Variants in SMYD3 observed in about 807,000 individuals in gnomAD.
The protein encoded by SMYD3 is SET and MYND domain containing 3, also known as histone-lysine N-methyltransferase SMYD3.
A neutral mutation model predicts 57.7 loss-of-function variants in SMYD3; 36 were observed. The ratio of observed to expected loss-of-function variants is 0.62; its 90% CI spans 0.48 to 0.82. The LOEUF is 0.82. Among genes scored for constraint, SMYD3 ranks in the 40% least tolerant of loss-of-function variants. The pLI, the probability that SMYD3 is intolerant of heterozygous loss-of-function variation, is 0.00. For missense variants in SMYD3, 515 were observed against 538.8 expected (o/e 0.96, Z 0.44); for synonymous variants, 211 against 195.0 (o/e 1.08, Z -0.68).
intron 7 of SMYD3, among the ~76,000 whole-genome samples, chr1:245,922,944 T>C (rs1320161679): frequency 2.0e-5 from 3 of 152,182 alleles, no homozygotes; most frequent in Non-Finnish European, 2.9e-5. Flanking sequence ...TTGTAGTCCT[T>C]GGGTTTTGTT....
chr1:246,035,655 T>G (rs535215117), intron 5 of SMYD3: 1 of 152,346 alleles, frequency 6.6e-6, no homozygotes, highest in South Asian at 2.1e-4. Flanking sequence ...TGATTGCCTA[T>G]ATTCCCAATC....
intron 5 of SMYD3, among the ~76,000 whole-genome samples, chr1:246,263,719 C>T (rs532862091): frequency 1.3e-5 from 2 of 152,240 alleles, no homozygotes; most frequent in African/African-American, 4.8e-5. Context: ...ACAAATTATG[C>T]CTTTTCATTT....
intron 1 of SMYD3, among the ~76,000 whole-genome samples, chr1:246,399,536 G>A (rs2066733831): frequency 6.6e-6 from 1 of 151,920 alleles, no homozygotes; most frequent in African/African-American, 2.4e-5. Flanking sequence ...GTACTTTTGG[G>A]TTTTTCCACA....
chr1:246,311,313 C>A (rs2065071931), intron 5 of SMYD3, among the ~76,000 whole-genome samples: 1 of 152,196 alleles, frequency 6.6e-6, no homozygotes, highest in African/African-American at 2.4e-5. Flanking sequence ...TCATCCAAAT[C>A]TTACTGATAC....
At chr1:245,955,845 A>T in intron 5 of SMYD3, 1 of 735,594 alleles carries the variant, frequency 1.4e-6, no homozygotes, top group Non-Finnish European at 1.7e-6. Context: ...ATGGAATCAT[A>T]CTGCATTGAT....
At chr1:246,335,053 G>C (rs1014602341) in intron 3 of SMYD3, among the ~76,000 whole-genome samples, 2 of 152,214 alleles carry the variant, frequency 1.3e-5, no homozygotes, top group Admixed American at 1.3e-4. Context: ...ACATCCACCA[G>C]CGAAAAGATG....
At chr1:245,935,166 G>A (rs537795586) in intron 5 of SMYD3, among the ~76,000 whole-genome samples, 1 of 152,096 alleles carries the variant, frequency 6.6e-6, no homozygotes, top group Non-Finnish European at 1.5e-5. Flanking sequence ...CGGATAAGAG[G>A]TTAATACCTA....
intron 5 of SMYD3, among the ~76,000 whole-genome samples, chr1:246,079,220 T>C (rs554720562): frequency 1.3e-5 from 2 of 152,286 alleles, no homozygotes; most frequent in East Asian, 3.9e-4. Context: ...TGGGAATCCT[T>C]CATCCCAATG....
At chr1:246,059,057 T>C (rs1340639781) in intron 5 of SMYD3, among the ~76,000 whole-genome samples, 3 of 152,098 alleles carry the variant, frequency 2.0e-5, no homozygotes, top group Admixed American at 2.0e-4. Flanking sequence ...TTTGTATTTT[T>C]AGTAGAGACA....
intron 5 of SMYD3, among the ~76,000 whole-genome samples, chr1:246,196,874 A>G (rs2062836035): frequency 6.6e-6 from 1 of 152,150 alleles, no homozygotes; most frequent in Non-Finnish European, 1.5e-5. Context: ...TTCTAAAACT[A>G]TTCTCCAATA....
chr1:246,270,449 TAAATTCATTA>T (rs2064199580), intron 5 of SMYD3, among the ~76,000 whole-genome samples: 1 of 152,218 alleles, frequency 6.6e-6, no homozygotes, highest in South Asian at 2.1e-4. Context: ...ACTGAAACTC[TAAATTCATTA>T]AACAGTAACT....
chr1:246,289,582 A>G (rs1313130358), intron 5 of SMYD3, among the ~76,000 whole-genome samples: 5 of 148,798 alleles, frequency 3.4e-5, no homozygotes, highest in African/African-American at 1.3e-4. Context: ...CTTTGATAGT[A>G]TATTTTCTTT....
chr1:246,108,430 G>T (rs2061169619), intron 5 of SMYD3, among the ~76,000 whole-genome samples: 1 of 152,174 alleles, frequency 6.6e-6, no homozygotes, highest in Non-Finnish European at 1.5e-5. Context: ...CACAATTAAT[G>T]TTATCAACAT....
intron 10 of SMYD3, among the ~76,000 whole-genome samples, chr1:245,857,397 T>G (rs1236822223): frequency 1.3e-5 from 2 of 152,224 alleles, no homozygotes; most frequent in Admixed American, 6.5e-5. Context: ...CTCACTTCTG[T>G]TCTTATGTTG....
chr1:246,295,100 G>C (rs2064767862), intron 5 of SMYD3, among the ~76,000 whole-genome samples: 1 of 151,980 alleles, frequency 6.6e-6, no homozygotes, highest in South Asian at 2.1e-4. Context: ...TATAAGACAA[G>C]TTAAGGCAGG....
chr1:246,262,767 T>C (rs1451244786), intron 5 of SMYD3, among the ~76,000 whole-genome samples: 2 of 152,194 alleles, frequency 1.3e-5, no homozygotes, highest in Non-Finnish European at 2.9e-5. Context: ...AACATTTACA[T>C]AGAAATTTGG....
chr1:245,776,494 ACC>A (rs2046604062), intron 10 of SMYD3, among the ~76,000 whole-genome samples: 1 of 152,260 alleles, frequency 6.6e-6, no homozygotes, highest in African/African-American at 2.4e-5. Flanking sequence ...CAATGAGCTT[ACC>A]AAGCCGTATG....
intron 5 of SMYD3, among the ~76,000 whole-genome samples, chr1:246,226,573 A>G (rs2063334127): frequency 6.6e-6 from 1 of 152,226 alleles, no homozygotes. Context: ...GAGTCACTGC[A>G]GCGTCTGCCA....
intron 1 of SMYD3, among the ~76,000 whole-genome samples, chr1:246,458,318 A>C (rs1321105331): frequency 1.3e-5 from 2 of 152,152 alleles, no homozygotes; most frequent in Non-Finnish European, 2.9e-5. Flanking sequence ...GAAACAAGAC[A>C]AGCAGAGTTG....
Sources: allele counts gnomAD v4.1 joint callset (sites outside exome capture counted in the v4.1 genomes callset), GRCh38; gene constraint gnomAD v4.1.1; transcripts MANE v1.5; gene names NCBI Gene and HGNC (gene_info 2026-07-23, HGNC 2026-07-21).